PRKG1: variants seen among roughly 807,000 people sequenced by gnomAD.
PRKG1 encodes the protein protein kinase cGMP-dependent 1.
Under a neutral mutation model 88.1 loss-of-function variants are expected in PRKG1, and 35 were observed. That is an observed-to-expected ratio of 0.40 (90% CI 0.30 to 0.53). The LOEUF (loss-of-function observed/expected upper bound fraction) is 0.53, where lower values mean the gene tolerates loss of function less well. Among genes scored for constraint, PRKG1 ranks in the 20% least tolerant of loss-of-function variants. PRKG1 has a pLI of 0.59. For missense variants in PRKG1, 540 were observed against 839.8 expected (o/e 0.64, Z 4.41); for synonymous variants, 303 against 292.5 (o/e 1.04, Z -0.37).
chr10:51,147,650 T>G (rs1005979826), intron 1 of PRKG1, among the ~76,000 whole-genome samples: 1 of 152,162 alleles, frequency 6.6e-6, no homozygotes, highest in Non-Finnish European at 1.5e-5. Context: ...AATATTACAA[T>G]GTATGTAATA....
chr10:51,045,987 C>G (rs1011448892), intron 1 of PRKG1, among the ~76,000 whole-genome samples: 10 of 152,176 alleles, frequency 6.6e-5, no homozygotes, highest in South Asian at 2.1e-4. Flanking sequence ...AGCACTAAAG[C>G]TACTCTTTTA....
intron 1 of PRKG1, among the ~76,000 whole-genome samples, chr10:51,055,505 A>G (rs1378745320): frequency 6.6e-6 from 1 of 152,128 alleles, no homozygotes; most frequent in African/African-American, 2.4e-5. Flanking sequence ...TGTTCATTAA[A>G]AATAATTTTG....
chr10:51,476,073 T>C (rs1840184748), intron 3 of PRKG1, among the ~76,000 whole-genome samples: 1 of 152,080 alleles, frequency 6.6e-6, no homozygotes, highest in Non-Finnish European at 1.5e-5. Flanking sequence ...TAGGTGGCCA[T>C]TGACTTAATT....
At chr10:51,120,372 A>G (rs1845231377) in intron 1 of PRKG1, among the ~76,000 whole-genome samples, 1 of 152,146 alleles carries the variant, frequency 6.6e-6, no homozygotes, top group Non-Finnish European at 1.5e-5. Flanking sequence ...GTGAAGAGGA[A>G]AAAGGTGTAC....
chr10:51,314,696 C>A (rs528183492), intron 2 of PRKG1, among the ~76,000 whole-genome samples: 6 of 152,310 alleles, frequency 3.9e-5, no homozygotes, highest in African/African-American at 1.4e-4. Flanking sequence ...AGTAAACATT[C>A]ATCCAAGAAA....
intron 2 of PRKG1, among the ~76,000 whole-genome samples, chr10:51,397,518 G>A (rs1837612426): frequency 6.6e-6 from 1 of 152,100 alleles, no homozygotes; most frequent in South Asian, 2.1e-4. Flanking sequence ...ACTTTGACTT[G>A]CTGTGGTTTA....
intron 7 of PRKG1, among the ~76,000 whole-genome samples, chr10:52,079,971 TG>T (rs1374561786): frequency 4.6e-5 from 7 of 152,182 alleles, no homozygotes; most frequent in African/African-American, 1.4e-4. Context: ...GCTGTTCTGA[TG>T]GTAGCACAGC....
intron 3 of PRKG1, among the ~76,000 whole-genome samples, chr10:51,521,552 C>CAAAATACACTT (rs1258957929): frequency 1.3e-5 from 2 of 152,154 alleles, no homozygotes; most frequent in Non-Finnish European, 2.9e-5. Flanking sequence ...TCTACTGGCC[C>CAAAATACACTT]AAAATACACT....
At chr10:51,467,669 A>G (rs764693603) in intron 2 of PRKG1, 54 bp from the exon 3 acceptor site, 12 of 1,431,664 alleles carry the variant, frequency 8.4e-6, no homozygotes, top group Non-Finnish European at 1.2e-5. Flanking sequence ...AAAATGCAAC[A>G]AATGAAGCAT....
chr10:52,045,274 C>A (rs562810854), intron 5 of PRKG1, among the ~76,000 whole-genome samples: 1 of 151,838 alleles, frequency 6.6e-6, no homozygotes, highest in South Asian at 2.1e-4. Flanking sequence ...GGGGATCAGG[C>A]TGATTTATAG....
chr10:51,172,133 A>G (rs1036882790), intron 2 of PRKG1, among the ~76,000 whole-genome samples: 1 of 152,076 alleles, frequency 6.6e-6, no homozygotes, highest in African/African-American at 2.4e-5. Context: ...ACAATTCCAG[A>G]AATTATATTC....
chr10:52,204,154 G>T (rs996695155), intron 9 of PRKG1, among the ~76,000 whole-genome samples: 2 of 151,880 alleles, frequency 1.3e-5, no homozygotes, highest in East Asian at 3.9e-4. Context: ...AGGCTGGAGT[G>T]CAGTGGCATA....
chr10:51,646,859 T>TTA (rs1839926476), intron 3 of PRKG1, among the ~76,000 whole-genome samples: 1 of 152,050 alleles, frequency 6.6e-6, no homozygotes, highest in African/African-American at 2.4e-5. Flanking sequence ...TTCAAAGTAC[T>TTA]TATATATGGC....
chr10:51,124,503 C>T (rs932011821), intron 1 of PRKG1, among the ~76,000 whole-genome samples: 9 of 152,016 alleles, frequency 5.9e-5, no homozygotes, highest in Admixed American at 6.6e-5. Context: ...GGGTGTGGGA[C>T]TTGATAGCGT....
chr10:51,081,744 C>T (rs945439911), intron 1 of PRKG1, among the ~76,000 whole-genome samples: 1 of 152,176 alleles, frequency 6.6e-6, no homozygotes, highest in African/African-American at 2.4e-5. Context: ...TTGTCTCTTT[C>T]ATTGATTGAA....
intron 2 of PRKG1, among the ~76,000 whole-genome samples, chr10:51,291,868 T>A (rs1043722619): frequency 1.3e-5 from 2 of 152,218 alleles, no homozygotes; most frequent in African/African-American, 4.8e-5. Flanking sequence ...CCCCTGACTA[T>A]AAAGTTGAAG....
intron 3 of PRKG1, among the ~76,000 whole-genome samples, chr10:51,786,292 G>T (rs1306254720): frequency 6.6e-6 from 1 of 152,100 alleles, no homozygotes; most frequent in Non-Finnish European, 1.5e-5. Context: ...AGACGCCTTG[G>T]ATATGTTTTA....
chr10:52,099,773 T>C (rs547910435), intron 7 of PRKG1, among the ~76,000 whole-genome samples: 3 of 152,268 alleles, frequency 2.0e-5, no homozygotes, highest in African/African-American at 4.8e-5. Flanking sequence ...GGCTTGCCAC[T>C]AAATAGCCAC....
At chr10:51,387,945 G>GT (rs1426517823) in intron 2 of PRKG1, among the ~76,000 whole-genome samples, 1 of 152,114 alleles carries the variant, frequency 6.6e-6, no homozygotes, top group Non-Finnish European at 1.5e-5. Context: ...ATTAAATCCA[G>GT]TTTTTTACTA....
Sources: gnomAD v4.1 joint callset for allele counts (sites outside exome capture counted in the v4.1 genomes callset) on GRCh38, gnomAD v4.1.1 for gene constraint, MANE v1.5 for transcripts, NCBI Gene and HGNC (gene_info 2026-07-23, HGNC 2026-07-21) for gene names.